The following SPATS2 variants were observed in gnomAD, a reference collection of about 807,000 sequenced individuals.
The protein encoded by SPATS2 is spermatogenesis associated serine rich 2.
Under a neutral mutation model 63.7 loss-of-function variants are expected in SPATS2, and 38 were observed. That is an observed-to-expected ratio of 0.60 (90% confidence interval 0.46 to 0.78). The LOEUF (loss-of-function observed/expected upper bound fraction) is 0.78, where lower values mean the gene tolerates loss of function less well. Among genes scored for constraint, SPATS2 ranks in the 30% least tolerant of loss-of-function variants. The pLI is 0.00. For missense variants in SPATS2, 588 were observed against 666.2 expected (o/e 0.88, Z 1.29); for synonymous variants, 207 against 232.9 (o/e 0.89, Z 1.01).
chr12:49,453,856 CTTTTTTTT>C (rs869155580), intron 2 of SPATS2, among the ~76,000 whole-genome samples: 2 of 76,196 alleles, frequency 2.6e-5, no homozygotes, highest in Non-Finnish European at 4.8e-5. Context: ...AAATAGCATT[CTTTTTTTT>C]TTTTTTTTTT....
intron 2 of SPATS2, among the ~76,000 whole-genome samples, chr12:49,426,901 GT>G (rs1323684866): frequency 2.0e-5 from 3 of 152,188 alleles, no homozygotes; most frequent in Admixed American, 2.0e-4. Context: ...GTTGATTGAT[GT>G]TTAGGTTTGT....
At chr12:49,457,773 A>C (rs1287966232) in intron 2 of SPATS2, among the ~76,000 whole-genome samples, 1 of 152,058 alleles carries the variant, frequency 6.6e-6, no homozygotes, top group African/African-American at 2.4e-5. Flanking sequence ...TGCTGTTGAG[A>C]AGCTTGCCAC....
chr12:49,371,047 C>T (rs1253881439), intron 1 of SPATS2, among the ~76,000 whole-genome samples, 181 bp from the exon 2 acceptor site: 1 of 152,194 alleles, frequency 6.6e-6, no homozygotes, highest in Non-Finnish European at 1.5e-5. Flanking sequence ...TTGTGGTAAA[C>T]TATACATAAC....
Position 49,467,044 on chromosome 12 carries a change from G to GTT in SPATS2, c.25+6032_25+6033dup, listed in dbSNP as rs59350335. On this transcript the variant is annotated intron_variant, in intron 3 of 13. Coordinates refer to ENST00000552918, the MANE Select transcript of SPATS2 (RefSeq NM_023071.4). Reference sequence around the variant, plus strand: ...TTTATTGTTAAATAATTTGTTCTTTGTTTTTTTTTTTTTTTTTTTTTTTTT... The same window carrying GTT: ...TTTATTGTTAAATAATTTGTTCTTTGTTTTTTTTTTTTTTTTTTTTTTTTTTT... Among the ~76,000 whole-genome samples, 24 of 75,768 alleles carry GTT rather than the reference G, an allele frequency of 3.2e-4. 2 individuals are homozygous for GTT. Among genetic ancestry groups the GTT allele is most frequent in the Non-Finnish European group, 5.4e-4 (20 of 37,220 alleles). 49.7% of individuals were successfully genotyped at this position (75,768 alleles called of 152,430 possible).
chr12:49,425,693 G>A (rs751309449), intron 2 of SPATS2, among the ~76,000 whole-genome samples: 12 of 151,636 alleles, frequency 7.9e-5, no homozygotes, highest in Non-Finnish European at 1.5e-4. Flanking sequence ...GCAGTGGCAC[G>A]ATCTCAGCTC....
At chr12:49,396,680 C>T (rs1190918859) in intron 2 of SPATS2, among the ~76,000 whole-genome samples, 2 of 152,128 alleles carry the variant, frequency 1.3e-5, no homozygotes, top group Non-Finnish European at 2.9e-5. Context: ...TTTTCCATTC[C>T]TAGTCCCAAA....
At chr12:49,416,705 G>A (rs982926031) in intron 2 of SPATS2, among the ~76,000 whole-genome samples, 1 of 151,912 alleles carries the variant, frequency 6.6e-6, no homozygotes, top group Admixed American at 6.6e-5. Context: ...GGCTGGTCAC[G>A]AACCCCTGAC....
intron 3 of SPATS2, among the ~76,000 whole-genome samples, chr12:49,464,669 TAAA>T (rs1945880307): frequency 7.7e-6 from 1 of 129,950 alleles, no homozygotes; most frequent in African/African-American, 2.8e-5. Context: ...CTACAAAAAA[TAAA>T]AAAATTAGCC....
At chr12:49,467,320 C>T (rs968621064) in intron 3 of SPATS2, among the ~76,000 whole-genome samples, 1 of 151,030 alleles carries the variant, frequency 6.6e-6, no homozygotes, top group African/African-American at 2.4e-5. Context: ...CCTTGGCCTT[C>T]CAAAGTGCTG....
intron 2 of SPATS2, among the ~76,000 whole-genome samples, chr12:49,426,699 TC>T (rs1424252444): frequency 3.3e-5 from 5 of 151,968 alleles, no homozygotes; most frequent in Admixed American, 3.3e-4. Context: ...GCCCGCCACC[TC>T]GCCCAGCTAA....
intron 11 of SPATS2, 142 bp downstream of exon 11, chr12:49,519,324 C>T: frequency 3.2e-6 from 2 of 631,848 alleles, no homozygotes; most frequent in Middle Eastern, 3.0e-4. Flanking sequence ...GTCCCTTTCT[C>T]TGTAAGTGGT....
chr12:49,393,834 G>A (rs1269245157), intron 2 of SPATS2, among the ~76,000 whole-genome samples: 1 of 151,984 alleles, frequency 6.6e-6, no homozygotes, highest in Admixed American at 6.6e-5. Context: ...AGGCCACCAT[G>A]TCCTGCTATT....
intron 2 of SPATS2, among the ~76,000 whole-genome samples, chr12:49,431,421 T>A (rs1945183807): frequency 6.6e-6 from 1 of 152,128 alleles, no homozygotes; most frequent in Non-Finnish European, 1.5e-5. Context: ...GCTAATCTTT[T>A]GCTTTTTTAG....
chr12:49,471,440 G>A (rs532787543), intron 3 of SPATS2, among the ~76,000 whole-genome samples: 138 of 152,262 alleles, frequency 9.1e-4, no homozygotes, highest in African/African-American at 3.0e-3. Flanking sequence ...GAGCTCAAGC[G>A]ATCATCCTGC....
intron 3 of SPATS2, chr12:49,461,318 G>C (rs1945818797): frequency 2.9e-6 from 1 of 341,708 alleles, no homozygotes; most frequent in Non-Finnish European, 5.3e-6. Flanking sequence ...AAGAGGGCTA[G>C]CTTGCTGCAG....
chr12:49,491,611 A>G (rs1434053338), intron 6 of SPATS2, among the ~76,000 whole-genome samples: 3 of 152,180 alleles, frequency 2.0e-5, no homozygotes, highest in Admixed American at 1.3e-4. Flanking sequence ...GAAAGCACTC[A>G]GGCTATGGGA....
At chr12:49,478,498 T>C (rs1006462812) in intron 3 of SPATS2, among the ~76,000 whole-genome samples, 30 of 152,202 alleles carry the variant, frequency 2.0e-4, no homozygotes, top group Admixed American at 2.6e-4. Context: ...AAGCAATTGG[T>C]CACTTTCTTT....
chr12:49,419,890 T>C (rs999230849), intron 2 of SPATS2, among the ~76,000 whole-genome samples: 7 of 152,066 alleles, frequency 4.6e-5, no homozygotes, highest in Non-Finnish European at 5.9e-5. Flanking sequence ...AAACATACTG[T>C]TTTATTGGTG....
At chr12:49,493,689 C>T (rs1395763730) in intron 6 of SPATS2, among the ~76,000 whole-genome samples, 1 of 152,194 alleles carries the variant, frequency 6.6e-6, no homozygotes, top group African/African-American at 2.4e-5. Context: ...AGGCATGAGC[C>T]ACTGCACCCA....
Sources: allele counts gnomAD v4.1 joint callset (sites outside exome capture counted in the v4.1 genomes callset), GRCh38; gene constraint gnomAD v4.1.1; transcripts MANE v1.5; gene names NCBI Gene and HGNC (gene_info 2026-07-23, HGNC 2026-07-21).